The following PID1 variants were observed in gnomAD, a reference collection of about 807,000 sequenced individuals.
PID1 encodes the protein phosphotyrosine interaction domain containing 1.
PID1 carries 10 observed loss-of-function variants against 19.1 expected under a neutral mutation model. The ratio of observed to expected loss-of-function variants is 0.52; its 90% confidence interval spans 0.32 to 0.89. The LOEUF is 0.89. Ranked by LOEUF, PID1 falls within the 40% of genes least tolerant of loss-of-function variation. PID1 has a pLI of 0.03. For missense variants in PID1, 248 were observed against 285.3 expected, an observed-to-expected ratio of 0.87 and a Z score of 0.94; for synonymous variants, 130 against 116.0, an observed-to-expected ratio of 1.12 and a Z score of -0.78.
chr2:229,238,328 G>A (rs550865989), intron 1 of PID1, among the ~76,000 whole-genome samples: 5 of 152,166 alleles, frequency 3.3e-5, no homozygotes, highest in South Asian at 2.1e-4. Flanking sequence ...TACTATATTC[G>A]CAGTTTAAAA....
intron 2 of PID1, among the ~76,000 whole-genome samples, chr2:229,119,684 T>A (rs946044234): frequency 2.0e-5 from 3 of 152,218 alleles, no homozygotes; most frequent in African/African-American, 2.4e-5. Context: ...GTTAATTTTA[T>A]GTGTCAAGTT....
At chr2:229,028,879 C>A (rs989819284) in intron 2 of PID1, among the ~76,000 whole-genome samples, 1 of 152,200 alleles carries the variant, frequency 6.6e-6, no homozygotes, top group Admixed American at 6.5e-5. Flanking sequence ...ATCCTATTAT[C>A]CTATTATCAG....
chr2:229,144,904 GAAAA>G (rs958230483), intron 2 of PID1, among the ~76,000 whole-genome samples: 7 of 151,504 alleles, frequency 4.6e-5, no homozygotes, highest in Non-Finnish European at 1.0e-4. Flanking sequence ...AAACTCAAGG[GAAAA>G]AAATCACTTA....
Position 229,075,465 on chromosome 2 carries a change from GA to G in PID1, c.178-49358del, listed in dbSNP as rs747628988. ...TCAGTGAACACTGACTACTTTTATAGAAAAAAACAAGACAAACACAACAAAA... is the reference window on the plus strand; with the variant it reads ...TCAGTGAACACTGACTACTTTTATAGAAAAAACAAGACAAACACAACAAAA... On this transcript the variant is annotated intron_variant, in intron 2 of 2. Transcript: ENST00000392055. 1.4e-4 allele frequency among the ~76,000 whole-genome samples: 21 copies of G among 152,052 alleles called. No individual in the cohort carries two copies. The South Asian group carries it at 2.1e-3, about 15-fold the overall frequency.
rs115256076 is a variant in PID1 at position 229,068,377 on chromosome 2, G to C, written c.178-42269C>G. Among the ~76,000 whole-genome samples the C allele has an allele frequency of 1.3e-3, 203 of 152,100 alleles. 2 individuals are homozygous for C. The highest frequency in any genetic ancestry group is 4.6e-3 in the African/African-American group (190 of 41,470). On this transcript the variant is annotated intron_variant, in intron 2 of 2. Coordinates refer to ENST00000392055, the MANE Select transcript of PID1 (RefSeq NM_001100818.2). Reference sequence around the variant, plus strand: ...CTTTTATTTGTCAGGGTGTCACTTGGCAAAACCCAAAATGTCTTACAAAAG... The same window carrying C: ...CTTTTATTTGTCAGGGTGTCACTTGCCAAAACCCAAAATGTCTTACAAAAG...
chr2:229,137,198 T>C (rs751580741), intron 2 of PID1, among the ~76,000 whole-genome samples: 2 of 152,224 alleles, frequency 1.3e-5, no homozygotes, highest in Non-Finnish European at 2.9e-5. Context: ...TGATTCCTCA[T>C]AAATAGCTGC....
chr2:229,147,968 CT>C (rs1433552056), intron 2 of PID1, among the ~76,000 whole-genome samples: 1 of 152,152 alleles, frequency 6.6e-6, no homozygotes, highest in Admixed American at 6.5e-5. Context: ...GGGACAACAG[CT>C]CTACTGCACC....
At chr2:229,083,803 C>T (rs1015639284) in intron 2 of PID1, among the ~76,000 whole-genome samples, 2 of 152,192 alleles carry the variant, frequency 1.3e-5, no homozygotes, top group Non-Finnish European at 2.9e-5. Flanking sequence ...CAGATTATAA[C>T]ACCCTTGGTC....
intron 1 of PID1, among the ~76,000 whole-genome samples, chr2:229,265,828 G>A (rs1037710509): frequency 3.3e-5 from 5 of 152,154 alleles, no homozygotes; most frequent in African/African-American, 1.2e-4. Flanking sequence ...GGGTCAGTGT[G>A]GAGGGGTATT....
chr2:229,268,174 C>T (rs1257499580), intron 1 of PID1, among the ~76,000 whole-genome samples: 1 of 152,216 alleles, frequency 6.6e-6, no homozygotes, highest in African/African-American at 2.4e-5. Context: ...CAGCTCTGCT[C>T]AGGGCAATAG....
At chr2:229,073,914 T>C (rs1694507533) in intron 2 of PID1, among the ~76,000 whole-genome samples, 1 of 152,224 alleles carries the variant, frequency 6.6e-6, no homozygotes, top group African/African-American at 2.4e-5. Flanking sequence ...GGGAAATCAG[T>C]ATGTATAAAT....
At chr2:229,137,192 T>C (rs1157511263) in intron 2 of PID1, among the ~76,000 whole-genome samples, 1 of 152,202 alleles carries the variant, frequency 6.6e-6, no homozygotes, top group African/African-American at 2.4e-5. Flanking sequence ...GTTCTCTGAT[T>C]CCTCATAAAT....
At chr2:229,105,302 C>T (rs1695154435) in intron 2 of PID1, among the ~76,000 whole-genome samples, 1 of 152,178 alleles carries the variant, frequency 6.6e-6, no homozygotes, top group Admixed American at 6.5e-5. Context: ...AAGGAAGCGG[C>T]CCATCCTCCC....
chr2:229,156,105 G>C (rs1390105427), intron 1 of PID1, 141 bp from the exon 2 acceptor site: 44 of 683,386 alleles, frequency 6.4e-5, no homozygotes, highest in Non-Finnish European at 1.9e-5. Flanking sequence ...GTAAAACAGA[G>C]GAGGGGGAAC....
chr2:229,054,551 AGTCACAGGGAAAAAT>A (rs1186737877), intron 2 of PID1, among the ~76,000 whole-genome samples: 1 of 152,166 alleles, frequency 6.6e-6, no homozygotes, highest in Non-Finnish European at 1.5e-5. Flanking sequence ...GTGACCAGCC[AGTCACAGGGAAAAAT>A]GTTACGTTGT....
At chr2:229,057,307 G>A (rs138727060) in intron 2 of PID1, among the ~76,000 whole-genome samples, 1 of 151,794 alleles carries the variant, frequency 6.6e-6, no homozygotes, top group Non-Finnish European at 1.5e-5. Context: ...CACGATCGTG[G>A]GTGCCTGTAA....
Position 229,034,519 on chromosome 2 carries a change from G to A in PID1, c.178-8411C>T, listed in dbSNP as rs571553443. 3.9e-4 allele frequency among the ~76,000 whole-genome samples: 60 copies of A among 152,232 alleles called. No homozygotes were observed. The South Asian group carries it at 0.012, about 32-fold the overall frequency. ...GCCACATCCCAACTGCCCTTCTCAAGGCTGGTCCCTTTAGACTTGTGGTGA... is the reference window on the plus strand; with the variant it reads ...GCCACATCCCAACTGCCCTTCTCAAAGCTGGTCCCTTTAGACTTGTGGTGA... On this transcript the variant is annotated intron_variant, in intron 2 of 2. Transcript: ENST00000392055.
chr2:229,250,164 T>C (rs892681095), intron 1 of PID1, among the ~76,000 whole-genome samples: 2 of 152,046 alleles, frequency 1.3e-5, no homozygotes, highest in African/African-American at 4.8e-5. Context: ...TGCAGAAAAA[T>C]GAAATAAAAG....
At chr2:229,139,774 A>C (rs1418295935) in intron 2 of PID1, among the ~76,000 whole-genome samples, 1 of 152,112 alleles carries the variant, frequency 6.6e-6, no homozygotes. Flanking sequence ...TTCTCTCCTT[A>C]TCTCTCCCTT....
Sources: allele counts gnomAD v4.1 joint callset (sites outside exome capture counted in the v4.1 genomes callset), GRCh38; gene constraint gnomAD v4.1.1; transcripts MANE v1.5; gene names NCBI Gene and HGNC (gene_info 2026-07-23, HGNC 2026-07-21).